ZNF285: variants seen among roughly 807,000 people sequenced by gnomAD.
The protein encoded by ZNF285 is zinc finger protein 285A.
A neutral mutation model predicts 6.2 loss-of-function variants in ZNF285; 4 were observed. The ratio of observed to expected loss-of-function variants is 0.65; its 90% CI spans 0.32 to 1.49. ZNF285 has a LOEUF of 1.49. ZNF285 is among the 40% of genes most tolerant of loss of function. The probability of loss-of-function intolerance (pLI) is 0.07; values close to 1 mark genes in which losing one functional copy is unlikely to be tolerated. For synonymous variants in ZNF285, 240 were observed against 245.8 expected (o/e 0.98, Z 0.22); for missense variants, 695 against 708.8 (o/e 0.98, Z 0.22).
At chr19:44,395,549 T>C (rs1323285247) in intron 2 of ZNF285, among the ~76,000 whole-genome samples, 1 of 152,162 alleles carries the variant, frequency 6.6e-6, no homozygotes, top group African/African-American at 2.4e-5. Context: ...TCAGGGAAAT[T>C]TGATTATTGT....
At chr19:44,388,317 T>C (rs941914625) in intron 3 of ZNF285, among the ~76,000 whole-genome samples, 39 of 152,060 alleles carry the variant, frequency 2.6e-4, no homozygotes, top group African/African-American at 8.7e-4. Context: ...CAGTGGCTCA[T>C]GCCTGTAACA....
intron 2 of ZNF285, among the ~76,000 whole-genome samples, chr19:44,393,264 T>C (rs1971227644): frequency 6.6e-6 from 1 of 152,162 alleles, no homozygotes; most frequent in South Asian, 2.1e-4. Context: ...ATACATATGT[T>C]TGTGGGTGAT....
chr19:44,398,719 A>C (rs560408173), intron 1 of ZNF285, among the ~76,000 whole-genome samples: 107 of 152,138 alleles, frequency 7.0e-4, no homozygotes, highest in Non-Finnish European at 1.1e-3. Flanking sequence ...TTTATTTTTT[A>C]TTGGGATTCC....
At chr19:44,395,187 C>T (rs1425592864) in intron 2 of ZNF285, among the ~76,000 whole-genome samples, 1 of 151,880 alleles carries the variant, frequency 6.6e-6, no homozygotes, top group Non-Finnish European at 1.5e-5. Context: ...TGAATAAACA[C>T]ATGCAAAAAT....
At position 44,385,460 on chromosome 19, in the gene ZNF285, A is replaced by G. The variant is rs922246477; in HGVS notation, c.*1012T>C. On this transcript the variant is annotated 3_prime_UTR_variant, in exon 4 of 4. Coordinates refer to ENST00000614994, the MANE Select transcript of ZNF285 (RefSeq NM_152354.6). ...GGTTATCACTGAAGAAGTCCCATCCATACCATTTTAGATGGTTGCACTGCC... is the reference window on the plus strand; with the variant it reads ...GGTTATCACTGAAGAAGTCCCATCCGTACCATTTTAGATGGTTGCACTGCC... The G allele has an allele frequency of 6.6e-6, 1 of 152,244 alleles. No individual in the cohort carries two copies. Among genetic ancestry groups the G allele is most frequent in the African/African-American group, 2.4e-5 (1 of 41,464 alleles). 9.4% of individuals were successfully genotyped at this position (152,244 alleles called of 1,614,324 possible).
At chr19:44,393,060 G>A (rs1288820810) in intron 2 of ZNF285, among the ~76,000 whole-genome samples, 1 of 152,102 alleles carries the variant, frequency 6.6e-6, no homozygotes, top group African/African-American at 2.4e-5. Flanking sequence ...TATCAACTAG[G>A]TATTAAAAAA....
rs1971032459 is a variant in ZNF285, at chr19:44,383,677, A to C, written c.*2795T>G. Reference sequence around the variant, plus strand: ...AGTTCTTGTGTGTGTTATGAGGCAGAAGCTGATAAGCATATTTAGGATAAA... The same window carrying C: ...AGTTCTTGTGTGTGTTATGAGGCAGCAGCTGATAAGCATATTTAGGATAAA... On this transcript the variant is annotated 3_prime_UTR_variant, in exon 4 of 4. Coordinates refer to ENST00000614994, the MANE Select transcript of ZNF285 (RefSeq NM_152354.6). The C allele has an allele frequency of 1.3e-5, 2 of 152,220 alleles. No homozygotes were observed. The allele number at this position is 152,220 out of a possible 1,614,324, so 9.4% of individuals were successfully genotyped here. A position where few individuals can be genotyped will look rare whatever the true frequency, so the allele number is the denominator to read the frequency against.
At position 44,386,082 on chromosome 19, in the gene ZNF285, C is replaced by T; in HGVS notation, c.*390G>A. The T allele has an allele frequency of 5.5e-6, 1 of 180,656 alleles. No homozygotes were observed. Among genetic ancestry groups the T allele is most frequent in the Non-Finnish European group, 1.2e-5 (1 of 83,434 alleles). 11.2% of individuals were successfully genotyped at this position (180,656 alleles called of 1,614,324 possible). On this transcript the variant is annotated 3_prime_UTR_variant, in exon 4 of 4. Transcript: ENST00000614994. ...AGCACACTTTTGAATGTTCTTCATA[C>T]AGAGAGTATTTTTCTACTGGGGACT... is the stretch of plus-strand genomic sequence containing the variant.
At chr19:44,401,029 C>A (rs1338519988) in intron 1 of ZNF285, among the ~76,000 whole-genome samples, 11 of 152,210 alleles carry the variant, frequency 7.2e-5, no homozygotes, top group African/African-American at 2.6e-4. Context: ...TGCCAAAATC[C>A]AGAGTTCAGA....
Position 44,388,022 on chromosome 19 carries a change from G to A in ZNF285, c.223C>T (p.Gln75Ter), listed in dbSNP as rs1415953362. 1.9e-6 allele frequency: 3 copies of A among 1,614,082 alleles called. No homozygotes were observed. Among genetic ancestry groups the A allele is most frequent in the Admixed American group, 3.3e-5 (2 of 60,010 alleles). ...TCCCGGATCCTTTGTTTCCAAATCTGCCAGCAATGAAGCACTTCTTGCGAA... is the reference window on the plus strand; with the variant it reads ...TCCCGGATCCTTTGTTTCCAAATCTACCAGCAATGAAGCACTTCTTGCGAA... ...YLSQEVLHCW[Q>*]IWKQRIRDLT... Residue 75 changes from glutamine (Q) to a stop codon, truncating the protein, a stop_gained, in exon 4 of 4, where the codon CAG (glutamine) becomes TAG (stop). Coordinates refer to ENST00000614994, the MANE Select transcript of ZNF285 (RefSeq NM_152354.6). LOFTEE classifies it low-confidence loss of function (END_TRUNC).
intron 2 of ZNF285, among the ~76,000 whole-genome samples, chr19:44,393,256 A>G (rs1271130140): frequency 6.6e-6 from 1 of 152,168 alleles, no homozygotes; most frequent in Non-Finnish European, 1.5e-5. Flanking sequence ...TGTATATTAT[A>G]CATATGTTTG....
Position 44,391,678 on chromosome 19 carries a change from C to T in ZNF285, c.142+662G>A, listed in dbSNP as rs1971198657. 2.0e-5 allele frequency among the ~76,000 whole-genome samples: 3 copies of T among 152,032 alleles called. No homozygotes were observed. In the South Asian group the frequency reaches 6.2e-4, roughly 32 times the overall value. On this transcript the variant is annotated intron_variant, in intron 3 of 3. Coordinates refer to ENST00000614994, the MANE Select transcript of ZNF285 (RefSeq NM_152354.6). ...TCAGTTACCTCCTACCAGGCCCCTC[C>T]CACAACATATGGGAATTATAGGAGC...
chr19:44,393,970 T>C (rs1410963877), intron 2 of ZNF285, among the ~76,000 whole-genome samples: 1 of 152,128 alleles, frequency 6.6e-6, no homozygotes, highest in East Asian at 1.9e-4. Context: ...CGTATGTTTA[T>C]TGCGGCACTA....
At chr19:44,398,058 G>A (rs1169206398) in intron 1 of ZNF285, among the ~76,000 whole-genome samples, 1 of 151,894 alleles carries the variant, frequency 6.6e-6, no homozygotes, top group African/African-American at 2.4e-5. Flanking sequence ...TTATTATTAT[G>A]TTAATCAATA....
intron 2 of ZNF285, chr19:44,396,932 G>A (rs1335308356): frequency 5.8e-5 from 25 of 433,060 alleles, no homozygotes; most frequent in Non-Finnish European, 8.8e-5. Flanking sequence ...TTCCCTCATC[G>A]GGCAGTGATA....
intron 3 of ZNF285, among the ~76,000 whole-genome samples, chr19:44,391,548 A>G (rs1971196772): frequency 6.6e-6 from 1 of 152,052 alleles, no homozygotes; most frequent in African/African-American, 2.4e-5. Context: ...GTGGCAGGCA[A>G]GGAGAAAGCC....
At chr19:44,396,347 T>G (rs1242140539) in intron 2 of ZNF285, among the ~76,000 whole-genome samples, 1 of 152,178 alleles carries the variant, frequency 6.6e-6, no homozygotes, top group African/African-American at 2.4e-5. Flanking sequence ...ATTTTTTTCA[T>G]GATTAAAAGA....
At position 44,386,359 on chromosome 19, in the gene ZNF285, T is replaced by C. The variant is rs568721073; in HGVS notation, c.*113A>G. ...CAGTGCTGCAGGCTGACATTATCGA[T>C]GGCAGTGTCCCTGTCTTTTGCTCCC... On this transcript the variant is annotated 3_prime_UTR_variant, in exon 4 of 4. Transcript: ENST00000614994. 3.9e-5 allele frequency: 44 copies of C among 1,134,252 alleles called. No individual in the cohort carries two copies. The South Asian group carries it at 4.7e-4, about 12-fold the overall frequency. The allele number at this position is 1,134,252 out of a possible 1,614,324, so 70.3% of individuals were successfully genotyped here.
chr19:44,399,110 T>G (rs1016975904), intron 1 of ZNF285, among the ~76,000 whole-genome samples: 37 of 151,750 alleles, frequency 2.4e-4, no homozygotes, highest in African/African-American at 8.3e-4. Flanking sequence ...TATCATTTAT[T>G]GGCACTGGTC....
Sources: gnomAD v4.1 joint callset for allele counts (sites outside exome capture counted in the v4.1 genomes callset) on GRCh38, gnomAD v4.1.1 for gene constraint, MANE v1.5 for transcripts, NCBI Gene and HGNC (gene_info 2026-07-23, HGNC 2026-07-21) for gene names.